Variants in MICAL2 observed in about 807,000 individuals in gnomAD.
MICAL2 encodes [F-actin]-monooxygenase MICAL2.
MICAL2 carries 77 observed loss-of-function variants against 127.3 expected under a neutral mutation model. The ratio of observed to expected loss-of-function variants is 0.60; its 90% CI spans 0.50 to 0.73. MICAL2 has a LOEUF of 0.73. MICAL2 is among the 30% of genes least tolerant of loss of function. The pLI, the probability that MICAL2 is intolerant of heterozygous loss-of-function variation, is 0.00. For synonymous variants in MICAL2, 570 were observed against 551.1 expected (o/e 1.03, Z -0.48); for missense variants, 1,351 against 1,434.4 (o/e 0.94, Z 0.94).
intron 1 of MICAL2, among the ~76,000 whole-genome samples, chr11:12,277,074 G>A (rs1223461058): frequency 6.6e-6 from 1 of 152,036 alleles, no homozygotes; most frequent in African/African-American, 2.4e-5. Flanking sequence ...GTAGACCGGA[G>A]TAAGCCAACC....
At chr11:12,299,439 T>G (rs552008275) in intron 29 of MICAL2, among the ~76,000 whole-genome samples, 70 of 152,336 alleles carry the variant, frequency 4.6e-4, no homozygotes, top group African/African-American at 1.6e-3. Context: ...ATCATTTGAA[T>G]AAGAGCCAGG....
intron 3 of MICAL2, among the ~76,000 whole-genome samples, chr11:12,166,945 AGT>A (rs1855575478): frequency 6.6e-6 from 1 of 151,992 alleles, no homozygotes; most frequent in Admixed American, 6.6e-5. Flanking sequence ...GGAAAGGAGG[AGT>A]GTGTGGGGTG....
chr11:12,293,765 G>C (rs766951034), downstream of MICAL2: 2 of 1,613,896 alleles, frequency 1.2e-6, no homozygotes, highest in Middle Eastern at 1.7e-4. Flanking sequence ...GATGACTTCT[G>C]ATGAGTGCCA....
chr11:12,133,566 A>G (rs150380342), intron 1 of MICAL2, among the ~76,000 whole-genome samples: 11 of 152,258 alleles, frequency 7.2e-5, no homozygotes, highest in Admixed American at 3.9e-4. Context: ...ATGCTTTGTG[A>G]CAGGGACTAT....
At chr11:12,347,133 G>T (rs1405283836) in intron 32 of MICAL2, among the ~76,000 whole-genome samples, 2 of 149,480 alleles carry the variant, frequency 1.3e-5, no homozygotes, top group African/African-American at 4.9e-5. Context: ...TCCTCAAGTT[G>T]TTCCCTCTTC....
At chr11:12,261,518 G>A (rs961926551) in intron 26 of MICAL2, 8 of 985,502 alleles carry the variant, frequency 8.1e-6, no homozygotes, top group Middle Eastern at 5.2e-4. Flanking sequence ...TCAAGGGGCC[G>A]CCAGAGAAAG....
At chr11:12,275,195 T>G (rs1452923456), upstream of MICAL2, among the ~76,000 whole-genome samples, 1 of 152,046 alleles carries the variant, frequency 6.6e-6, no homozygotes, top group African/African-American at 2.4e-5. Context: ...GGGCAAGACA[T>G]GTTGGGTGGG....
At chr11:12,175,910 G>T (rs748663303) in intron 3 of MICAL2, among the ~76,000 whole-genome samples, 1 of 151,522 alleles carries the variant, frequency 6.6e-6, no homozygotes, top group African/African-American at 2.4e-5. Context: ...AGAGAGTGGG[G>T]TTGGGCCTTG....
chr11:12,253,913 C>A (rs1157408857), intron 22 of MICAL2: 1 of 152,224 alleles, frequency 6.6e-6, no homozygotes. Context: ...TGGTGATTAA[C>A]TCAACCTTCA....
At position 12,304,941 on chromosome 11, in the gene MICAL2, C is replaced by A. The variant is rs1864091582; in HGVS notation, c.5212+10084C>A. On this transcript the variant is annotated intron_variant, in intron 29 of 34. Transcript: ENST00000646065. ...TGCCATGTGACTTATGGAATGAATT[C>A]ATCAATTTCTACAACATTTGCTGGG... Among the ~76,000 whole-genome samples the A allele has an allele frequency of 2.0e-5, 3 of 152,144 alleles. No individual in the cohort carries two copies. The South Asian group carries it at 6.2e-4, about 32-fold the overall frequency.
At chr11:12,162,527 G>A (rs1854944286) in intron 3 of MICAL2, 108 bp downstream of exon 3, 1 of 1,327,744 alleles carries the variant, frequency 7.5e-7, no homozygotes, top group Non-Finnish European at 1.0e-6. Flanking sequence ...AGGTGTGGGT[G>A]TGAATGTTGC....
chr11:12,117,761 T>C (rs532171356), intron 1 of MICAL2, among the ~76,000 whole-genome samples: 1 of 152,312 alleles, frequency 6.6e-6, no homozygotes, highest in East Asian at 1.9e-4. Flanking sequence ...ACAGCCAGGC[T>C]TTGCACAATC....
intron 31 of MICAL2, among the ~76,000 whole-genome samples, chr11:12,326,906 A>G (rs1259916576): frequency 1.3e-5 from 2 of 152,210 alleles, no homozygotes; most frequent in African/African-American, 4.8e-5. Flanking sequence ...GACATCTGTG[A>G]TTGGCCTTGT....
At chr11:12,251,222 AGTTTG>A in intron 22 of MICAL2, among the ~76,000 whole-genome samples, 3 of 6,632 alleles carry the variant, frequency 4.5e-4, no homozygotes, top group African/African-American at 2.5e-3. Flanking sequence ...AGCCACAGAT[AGTTTG>A]AGGAGCAGTG....
intron 29 of MICAL2, among the ~76,000 whole-genome samples, chr11:12,311,900 A>C (rs1864179064): frequency 1.3e-5 from 2 of 152,046 alleles, no homozygotes; most frequent in African/African-American, 4.8e-5. Flanking sequence ...TTTAATTATA[A>C]ATTTAGTCCC....
chr11:12,296,376 C>A (rs75348652), downstream of MICAL2, among the ~76,000 whole-genome samples: 2,787 of 151,654 alleles, frequency 0.018, 75 homozygotes, highest in East Asian at 0.13. Flanking sequence ...TAACAAGAGA[C>A]TTTATTTTCA....
chr11:12,261,860 A>G (rs1863160380), intron 26 of MICAL2: 31 of 985,892 alleles, frequency 3.1e-5, no homozygotes, highest in Non-Finnish European at 3.6e-5. Context: ...AATGTTCAGC[A>G]TGGTGGGAGG....
chr11:12,357,991 G>A (rs1388469951), intron 34 of MICAL2, among the ~76,000 whole-genome samples: 1 of 152,042 alleles, frequency 6.6e-6, no homozygotes, highest in East Asian at 1.9e-4. Flanking sequence ...CTTCTCTTTG[G>A]GGCAGAGGGA....
intron 29 of MICAL2, among the ~76,000 whole-genome samples, chr11:12,300,096 A>T (rs1864030221): frequency 6.6e-6 from 1 of 152,040 alleles, no homozygotes; most frequent in Admixed American, 6.6e-5. Flanking sequence ...GGAATTCAAA[A>T]CCAGCCTGGC....
Sources: gnomAD v4.1 joint callset for allele counts (sites outside exome capture counted in the v4.1 genomes callset) on GRCh38, gnomAD v4.1.1 for gene constraint, MANE v1.5 for transcripts, NCBI Gene and HGNC (gene_info 2026-07-23, HGNC 2026-07-21) for gene names.